The following GALNTL6 variants were observed in gnomAD, a reference collection of about 807,000 sequenced individuals.
GALNTL6 encodes polypeptide N-acetylgalactosaminyltransferase-like 6.
A neutral mutation model predicts 73.7 loss-of-function variants in GALNTL6; 46 were observed. That is an observed-to-expected ratio of 0.62 (90% CI 0.49 to 0.80). GALNTL6 has a LOEUF of 0.80. Among genes scored for constraint, GALNTL6 ranks in the 30% least tolerant of loss-of-function variants. The pLI is 0.00. For synonymous variants in GALNTL6, 259 were observed against 263.7 expected (o/e 0.98, Z 0.17); for missense variants, 604 against 755.0 (o/e 0.80, Z 2.34).
intron 2 of GALNTL6, among the ~76,000 whole-genome samples, chr4:172,066,072 T>A (rs2110891028): frequency 6.6e-6 from 1 of 152,322 alleles, no homozygotes; most frequent in East Asian, 1.9e-4. Flanking sequence ...TTTGTTACAG[T>A]TGATGAGCAC....
chr4:172,072,202 G>A (rs955720852), intron 2 of GALNTL6, among the ~76,000 whole-genome samples: 1 of 151,888 alleles, frequency 6.6e-6, no homozygotes, highest in Admixed American at 6.6e-5. Context: ...TCTTATTTCT[G>A]CCTAGCTGTT....
chr4:172,537,720 T>TA (rs1561127660), intron 5 of GALNTL6, among the ~76,000 whole-genome samples: 1 of 152,152 alleles, frequency 6.6e-6, no homozygotes, highest in Non-Finnish European at 1.5e-5. Flanking sequence ...AGAAGAGTTC[T>TA]AAAAAAAGAA....
At chr4:172,301,627 G>A (rs1236522331) in intron 3 of GALNTL6, among the ~76,000 whole-genome samples, 1 of 152,164 alleles carries the variant, frequency 6.6e-6, no homozygotes, top group Admixed American at 6.5e-5. Context: ...GTTTGCTGGA[G>A]GTCCACTCCA....
At chr4:172,767,331 T>G (rs1738460350) in intron 5 of GALNTL6, among the ~76,000 whole-genome samples, 1 of 152,208 alleles carries the variant, frequency 6.6e-6, no homozygotes, top group Non-Finnish European at 1.5e-5. Context: ...CTCCCATGGA[T>G]GTACCAATGT....
chr4:171,946,566 G>T (rs569321265), intron 2 of GALNTL6, among the ~76,000 whole-genome samples: 1 of 152,170 alleles, frequency 6.6e-6, no homozygotes, highest in Non-Finnish European at 1.5e-5. Context: ...CATCGAGCTC[G>T]TCTTCTCATG....
At chr4:171,969,850 A>T (rs1739508414) in intron 2 of GALNTL6, among the ~76,000 whole-genome samples, 2 of 151,632 alleles carry the variant, frequency 1.3e-5, no homozygotes, top group African/African-American at 4.9e-5. Context: ...GCCCACTGCA[A>T]CCTCCGCCTT....
intron 8 of GALNTL6, among the ~76,000 whole-genome samples, chr4:172,905,243 C>T (rs908545294): frequency 6.6e-6 from 1 of 152,130 alleles, no homozygotes; most frequent in African/African-American, 2.4e-5. Context: ...GGTTTGCTCT[C>T]AAAACCATTA....
chr4:172,692,740 G>T (rs1173783126), intron 5 of GALNTL6, among the ~76,000 whole-genome samples: 4 of 152,172 alleles, frequency 2.6e-5, no homozygotes, highest in Admixed American at 2.0e-4. Flanking sequence ...GAAACTTTTA[G>T]ATAATGAGAA....
chr4:172,520,145 C>A (rs949964918), intron 5 of GALNTL6, among the ~76,000 whole-genome samples: 3 of 151,794 alleles, frequency 2.0e-5, no homozygotes, highest in Admixed American at 1.3e-4. Context: ...CCCACTGTGG[C>A]AGGCTTTATT....
At position 172,968,359 on chromosome 4, in the gene GALNTL6, C is replaced by T. The variant is rs112836114; in HGVS notation, c.1371+16101C>T. Among the ~76,000 whole-genome samples, 123 of 152,292 alleles carry T rather than the reference C, an allele frequency of 8.1e-4. 1 individual carries two copies. The highest frequency in any genetic ancestry group is 7.9e-3 in the East Asian group (41 of 5,172). On this transcript the variant is annotated intron_variant, in intron 10 of 12. Transcript: ENST00000506823. ...GCACCTTACCAGTGGAATTAAAAGA[C>T]CCTCTCACAGGCTCCAAGCTGAGGC... is the stretch of plus-strand genomic sequence containing the variant.
At chr4:172,871,026 A>G (rs1744904184) in intron 7 of GALNTL6, among the ~76,000 whole-genome samples, 1 of 152,196 alleles carries the variant, frequency 6.6e-6, no homozygotes, top group Non-Finnish European at 1.5e-5. Flanking sequence ...CTGCTGGCTC[A>G]CAGAGTTGGG....
At chr4:171,986,992 G>A (rs969435977) in intron 2 of GALNTL6, among the ~76,000 whole-genome samples, 1 of 152,112 alleles carries the variant, frequency 6.6e-6, no homozygotes, top group African/African-American at 2.4e-5. Context: ...AGTTGAGAAC[G>A]GTGAATAGGC....
chr4:172,207,007 C>T (rs375290626), intron 2 of GALNTL6, among the ~76,000 whole-genome samples: 2,945 of 150,658 alleles, frequency 0.02, 45 homozygotes, highest in South Asian at 0.039. Flanking sequence ...TTAGTAGAGG[C>T]GGGGTTTCAC....
intron 7 of GALNTL6, among the ~76,000 whole-genome samples, chr4:172,867,173 G>A (rs1460746386): frequency 6.6e-6 from 1 of 152,182 alleles, no homozygotes; most frequent in Non-Finnish European, 1.5e-5. Flanking sequence ...AAAAGAGGGT[G>A]CTATTAATCA....
chr4:172,562,711 G>T (rs959911459), intron 5 of GALNTL6, among the ~76,000 whole-genome samples: 1 of 152,142 alleles, frequency 6.6e-6, no homozygotes, highest in Admixed American at 6.5e-5. Flanking sequence ...TTGTAATCAC[G>T]GATCATTCAC....
chr4:172,745,691 C>T (rs1248922114), intron 5 of GALNTL6, among the ~76,000 whole-genome samples: 2 of 151,798 alleles, frequency 1.3e-5, no homozygotes, highest in Non-Finnish European at 2.9e-5. Context: ...GAGATAGATT[C>T]AAAATTAAAG....
intron 5 of GALNTL6, among the ~76,000 whole-genome samples, chr4:172,775,543 A>G (rs1056057609): frequency 6.6e-6 from 1 of 152,206 alleles, no homozygotes; most frequent in Admixed American, 6.5e-5. Flanking sequence ...AAGTTGACCC[A>G]GAGAATATCC....
At chr4:171,997,757 G>A (rs1253638502) in intron 2 of GALNTL6, among the ~76,000 whole-genome samples, 2 of 152,090 alleles carry the variant, frequency 1.3e-5, no homozygotes, top group South Asian at 2.1e-4. Context: ...ACTAGGGAGA[G>A]GGGTAGTTGT....
chr4:172,565,893 T>C (rs1736537586), intron 5 of GALNTL6, among the ~76,000 whole-genome samples: 1 of 152,108 alleles, frequency 6.6e-6, no homozygotes. Flanking sequence ...ATGATACTTA[T>C]ATAAGACAAA....
Sources: gnomAD v4.1 joint callset for allele counts (sites outside exome capture counted in the v4.1 genomes callset) on GRCh38, gnomAD v4.1.1 for gene constraint, MANE v1.5 for transcripts, NCBI Gene and HGNC (gene_info 2026-07-23, HGNC 2026-07-21) for gene names.